RGS17: variants seen among roughly 807,000 people sequenced by gnomAD.
RGS17 encodes the protein regulator of G-protein signaling 17.
In RGS17, 12 loss-of-function variants were observed where a neutral mutation model predicts 25.5. The observed-to-expected ratio is 0.47, with a 90% confidence interval of 0.30 to 0.76. RGS17 has a LOEUF of 0.76. Ranked by LOEUF, RGS17 falls within the 30% of genes least tolerant of loss-of-function variation. RGS17 has a pLI of 0.07. For synonymous variants in RGS17, 71 were observed against 76.9 expected (o/e 0.92, Z 0.40); for missense variants, 196 against 242.2 (o/e 0.81, Z 1.27).
intron 1 of RGS17, among the ~76,000 whole-genome samples, chr6:153,051,878 C>T (rs1776465756): frequency 6.6e-6 from 1 of 152,154 alleles, no homozygotes; most frequent in South Asian, 2.1e-4. Flanking sequence ...GAAGCATGGA[C>T]TGAATTAGCT....
intron 1 of RGS17, among the ~76,000 whole-genome samples, chr6:153,120,197 CT>C (rs1777606198): frequency 6.6e-6 from 1 of 152,224 alleles, no homozygotes; most frequent in African/African-American, 2.4e-5. Flanking sequence ...ATACTTGTTA[CT>C]TCCTACTTAA....
chr6:153,127,900 A>G (rs1412735609), intron 1 of RGS17, among the ~76,000 whole-genome samples: 1 of 152,220 alleles, frequency 6.6e-6, no homozygotes, highest in Admixed American at 6.5e-5. Flanking sequence ...TGCAAAATTT[A>G]TTAATTTAGG....
intron 1 of RGS17, among the ~76,000 whole-genome samples, chr6:153,069,214 C>T (rs559799395): frequency 6.6e-6 from 1 of 152,168 alleles, no homozygotes; most frequent in East Asian, 1.9e-4. Flanking sequence ...AAGTGTCCAG[C>T]TACAGAATGA....
chr6:153,079,944 AC>A (rs1428286672), intron 1 of RGS17, among the ~76,000 whole-genome samples: 1 of 151,936 alleles, frequency 6.6e-6, no homozygotes, highest in African/African-American at 2.4e-5. Flanking sequence ...TGGATTCCAA[AC>A]TTAATAGTTA....
chr6:153,050,255 A>G (rs1186771954), intron 1 of RGS17, among the ~76,000 whole-genome samples: 1 of 152,192 alleles, frequency 6.6e-6, no homozygotes, highest in Non-Finnish European at 1.5e-5. Flanking sequence ...CAAAAGGAAA[A>G]GCTTTTTTTT....
intron 1 of RGS17, among the ~76,000 whole-genome samples, chr6:153,106,343 G>A (rs945150385): frequency 6.6e-6 from 1 of 151,848 alleles, no homozygotes; most frequent in Non-Finnish European, 1.5e-5. Context: ...GAAAAGTGAA[G>A]GGAAGCATGC....
intron 1 of RGS17, among the ~76,000 whole-genome samples, chr6:153,103,045 A>C (rs1268861993): frequency 6.6e-6 from 1 of 152,192 alleles, no homozygotes; most frequent in Non-Finnish European, 1.5e-5. Flanking sequence ...TGAATAAAGA[A>C]TATGGCTAAT....
At chr6:153,100,347 A>G (rs1043975194) in intron 1 of RGS17, among the ~76,000 whole-genome samples, 3 of 152,168 alleles carry the variant, frequency 2.0e-5, no homozygotes, top group African/African-American at 7.2e-5. Context: ...TTTCTCCCAG[A>G]TACTTGTTTA....
In RGS17 at chr6:153,004,858, A is replaced by C. The variant is rs1285761202; in HGVS notation, c.*6716T>G. 1 of 152,212 alleles carries C rather than the reference A, an allele frequency of 6.6e-6. No individual in the cohort carries two copies. The highest frequency in any genetic ancestry group is 1.5e-5 in the Non-Finnish European group (1 of 68,018). 9.4% of individuals were successfully genotyped at this position (152,212 alleles called of 1,614,324 possible). On this transcript the variant is annotated 3_prime_UTR_variant, in exon 5 of 5. Coordinates refer to ENST00000206262, the MANE Select transcript of RGS17 (RefSeq NM_012419.5). The stretch of plus-strand genomic sequence containing the variant: ...CCAAGTGTGGTGCCTCTTAAGTTGC[A>C]TTCATGCATTCAAAACTTCTTTATT...
intron 4 of RGS17, among the ~76,000 whole-genome samples, chr6:153,020,108 AAAAATATATAT>A (rs1165448423): frequency 1.1e-4 from 3 of 27,616 alleles, no homozygotes; most frequent in African/African-American, 3.6e-4. Flanking sequence ...CTTAAAAAAA[AAAAATATATAT>A]ATATATATAT....
chr6:153,118,811 A>G (rs958788660), intron 1 of RGS17, among the ~76,000 whole-genome samples: 1 of 151,592 alleles, frequency 6.6e-6, no homozygotes, highest in Non-Finnish European at 1.5e-5. Context: ...GATCTTACTC[A>G]CCCTTTCTGC....
At chr6:153,092,429 T>C (rs949633545) in intron 1 of RGS17, among the ~76,000 whole-genome samples, 1 of 152,224 alleles carries the variant, frequency 6.6e-6, no homozygotes, top group African/African-American at 2.4e-5. Flanking sequence ...AAGCTCTCTC[T>C]AGGAAACTAC....
intron 1 of RGS17, among the ~76,000 whole-genome samples, chr6:153,051,200 G>C (rs1010814559): frequency 6.6e-5 from 10 of 152,214 alleles, no homozygotes; most frequent in African/African-American, 2.4e-4. Flanking sequence ...CTGAGAAGTG[G>C]AGTGCTGCTA....
intron 1 of RGS17, among the ~76,000 whole-genome samples, chr6:153,086,628 T>G (rs997691388): frequency 1.3e-5 from 2 of 152,232 alleles, no homozygotes; most frequent in Non-Finnish European, 2.9e-5. Flanking sequence ...CAGAATATAT[T>G]AAATCACTTA....
chr6:153,120,757 G>A (rs1229476868), intron 1 of RGS17, among the ~76,000 whole-genome samples: 1 of 152,132 alleles, frequency 6.6e-6, no homozygotes, highest in Non-Finnish European at 1.5e-5. Flanking sequence ...TGCGAGTACT[G>A]TATGCTTTTG....
chr6:153,020,077 T>A (rs1779223852), intron 4 of RGS17, among the ~76,000 whole-genome samples: 1 of 128,826 alleles, frequency 7.8e-6, no homozygotes, highest in African/African-American at 3.0e-5. Flanking sequence ...AGAAGTTATG[T>A]CACCTCCTAA....
chr6:153,095,980 G>A (rs1777202030), intron 1 of RGS17, among the ~76,000 whole-genome samples: 1 of 152,222 alleles, frequency 6.6e-6, no homozygotes, highest in Non-Finnish European at 1.5e-5. Context: ...AAGGAAAAAT[G>A]ATAAGCAGGA....
chr6:153,070,533 A>G (rs1206680321), intron 1 of RGS17, among the ~76,000 whole-genome samples: 3 of 151,484 alleles, frequency 2.0e-5, no homozygotes. Context: ...AAACCTGAGC[A>G]TACAGGACCT....
chr6:153,098,647 C>A (rs942496385), intron 1 of RGS17, among the ~76,000 whole-genome samples: 5 of 152,086 alleles, frequency 3.3e-5, no homozygotes, highest in African/African-American at 7.2e-5. Context: ...TTGAGAGGAA[C>A]CACAAAGAGT....
Sources: gnomAD v4.1 joint callset for allele counts (sites outside exome capture counted in the v4.1 genomes callset) on GRCh38, gnomAD v4.1.1 for gene constraint, MANE v1.5 for transcripts, NCBI Gene and HGNC (gene_info 2026-07-23, HGNC 2026-07-21) for gene names.